NAV1: variants seen among roughly 807,000 people sequenced by gnomAD.
NAV1 encodes the protein pore membrane and/or filament interacting like protein 3.
Under a neutral mutation model 175.2 loss-of-function variants are expected in NAV1, and 18 were observed. The ratio of observed to expected loss-of-function variants is 0.10; its 90% CI spans 0.07 to 0.15. The LOEUF (loss-of-function observed/expected upper bound fraction) is 0.15. NAV1 is among the 10% of genes least tolerant of loss of function. The pLI is 1.00. For synonymous variants in NAV1, 897 were observed against 978.7 expected (o/e 0.92, Z 1.56); for missense variants, 1,731 against 2,436.6 (o/e 0.71, Z 6.10).
chr1:201,799,925 T>G (rs1421649732), intron 15 of NAV1, among the ~76,000 whole-genome samples: 1 of 152,114 alleles, frequency 6.6e-6, no homozygotes, highest in African/African-American at 2.4e-5. Flanking sequence ...CTCAACTAAT[T>G]GAAACCTTCA....
At chr1:201,777,564 C>A (rs1280245311) in intron 3 of NAV1, among the ~76,000 whole-genome samples, 1 of 147,794 alleles carries the variant, frequency 6.8e-6, no homozygotes, top group Non-Finnish European at 1.5e-5. Context: ...TTTTTTTTAA[C>A]AAAAGGTCTT....
intron 1 of NAV1, among the ~76,000 whole-genome samples, chr1:201,565,226 C>T (rs555175553): frequency 3.3e-5 from 5 of 152,208 alleles, no homozygotes; most frequent in African/African-American, 9.6e-5. Context: ...CTGGCACATA[C>T]TAAGTGCTCA....
chr1:201,808,155 T>G lies in NAV1; in HGVS notation c.3845+6T>G. On this transcript the variant is annotated splice_donor_region_variant and intron_variant, in intron 18 of 29. Coordinates refer to ENST00000367296, the Ensembl canonical transcript of NAV1. The surrounding 1 kb of genome is among the most constrained non-coding windows in gnomAD (Gnocchi z 5.5). ...GTGGGCACTGATGTCACCGAGTAAGTGCTCTTTGGCTCCCTGCCACCCAGC... is the reference window on the plus strand; with the variant it reads ...GTGGGCACTGATGTCACCGAGTAAGGGCTCTTTGGCTCCCTGCCACCCAGC... 1.2e-6 allele frequency: 2 copies of G among 1,613,956 alleles called. No homozygotes were observed. Among genetic ancestry groups the G allele is most frequent in the Non-Finnish European group, 1.7e-6 (2 of 1,179,870 alleles).
rs911513342 is a variant in NAV1, at chr1:201,678,191, G to A, written c.757+28766G>A. On this transcript the variant is annotated intron_variant, in intron 1 of 29. Coordinates refer to ENST00000367296, the Ensembl canonical transcript of NAV1. The stretch of plus-strand genomic sequence containing the variant: ...TTAATATCCCCAAAAGGTAAATGAG[G>A]GAGCTACGTTATGAACTGACTTGGC... Among the ~76,000 whole-genome samples the A allele has an allele frequency of 5.3e-5, 8 of 152,160 alleles. No individual in the cohort carries two copies. The East Asian group carries it at 5.8e-4, about 11-fold the overall frequency.
chr1:201,571,862 G>A (rs1438095026), intron 1 of NAV1, among the ~76,000 whole-genome samples: 1 of 152,212 alleles, frequency 6.6e-6, no homozygotes, highest in Non-Finnish European at 1.5e-5. Context: ...TATCACAGGG[G>A]AAGGGCACAA....
At position 201,718,782 on chromosome 1, in the gene NAV1, G is replaced by A. The variant is rs375805913; in HGVS notation, c.1226+27G>A. 123 of 1,573,868 alleles carry A rather than the reference G, an allele frequency of 7.8e-5. No individual in the cohort carries two copies. The highest frequency in any genetic ancestry group is 3.6e-4 in the Middle Eastern group (2 of 5,518). ...TAAGCGCAGGGGCTTCTTGGATGGCGGGGGAGGATGGTGGAAAGACCACTG... is the reference window on the plus strand; with the variant it reads ...TAAGCGCAGGGGCTTCTTGGATGGCAGGGGAGGATGGTGGAAAGACCACTG... On this transcript the variant is annotated intron_variant, in intron 3 of 29. Transcript: ENST00000367296. The surrounding 1 kb of genome is among the most constrained non-coding windows in gnomAD (Gnocchi z 4.8).
At chr1:201,581,632 C>T (rs963865147) in intron 1 of NAV1, among the ~76,000 whole-genome samples, 2 of 151,928 alleles carry the variant, frequency 1.3e-5, no homozygotes, top group Non-Finnish European at 2.9e-5. Flanking sequence ...AGTTCCAGAC[C>T]AGCCTGGTCA....
At chr1:201,716,834 C>T (rs560328534) in intron 2 of NAV1, among the ~76,000 whole-genome samples, 2 of 152,328 alleles carry the variant, frequency 1.3e-5, no homozygotes, top group East Asian at 1.9e-4. Flanking sequence ...GCCGTGTTTG[C>T]ACCACTACAC....
At chr1:201,549,077 CTCTTTCTT>C (rs200725995) in intron 1 of NAV1, among the ~76,000 whole-genome samples, 25,794 of 129,868 alleles carry the variant, frequency 0.2, 2,525 homozygotes, top group Admixed American at 0.24. Context: ...TTCTAGTTTT[CTCTTTCTT>C]TCTTTCTTTC....
chr1:201,547,204 G>T (rs1571813903), intron 1 of NAV1, among the ~76,000 whole-genome samples: 1 of 151,958 alleles, frequency 6.6e-6, no homozygotes, highest in African/African-American at 2.4e-5. Context: ...GGTCAGGCTG[G>T]TCTCAAACTC....
intron 3 of NAV1, among the ~76,000 whole-genome samples, chr1:201,754,106 C>T (rs939508674): frequency 7.9e-5 from 12 of 152,160 alleles, no homozygotes; most frequent in African/African-American, 2.4e-4. Context: ...ACCTCTGTTC[C>T]GGGGAAAATA....
intron 1 of NAV1, among the ~76,000 whole-genome samples, chr1:201,652,258 G>A (rs1669232512): frequency 6.6e-6 from 1 of 151,014 alleles, no homozygotes; most frequent in South Asian, 2.1e-4. Flanking sequence ...GGCGGAGGGA[G>A]GGGGTGGGAG....
At chr1:201,570,862 T>C (rs908415150) in intron 1 of NAV1, among the ~76,000 whole-genome samples, 8 of 152,334 alleles carry the variant, frequency 5.3e-5, no homozygotes, top group Admixed American at 4.6e-4. Flanking sequence ...CCTGACAACA[T>C]GGCCTATTTT....
chr1:201,594,551 G>A (rs1571837374), intron 2 of NAV1, among the ~76,000 whole-genome samples: 1 of 152,356 alleles, frequency 6.6e-6, no homozygotes, highest in Non-Finnish European at 1.5e-5. Context: ...CTCTCTATCA[G>A]CATAGTTGAG....
intron 11 of NAV1, among the ~76,000 whole-genome samples, 180 bp from the exon 16 acceptor site, chr1:201,790,374 A>T (rs541700189): frequency 1.3e-5 from 2 of 152,274 alleles, no homozygotes; most frequent in East Asian, 3.9e-4. Context: ...AAACCCTAGT[A>T]TAGATCTGAG....
intron 2 of NAV1, among the ~76,000 whole-genome samples, chr1:201,615,203 C>T (rs73084543): frequency 0.12 from 18,843 of 151,790 alleles, 1,319 homozygotes; most frequent in East Asian, 0.22. Context: ...TTTGGGAGGA[C>T]GGAGGAGGTA....
intron 15 of NAV1, chr1:201,798,516 T>G (rs1489025686): frequency 6.7e-6 from 1 of 150,014 alleles, no homozygotes; most frequent in Non-Finnish European, 1.5e-5. Flanking sequence ...AGAGGCTGAG[T>G]CTGGAGGACT....
At chr1:201,714,063 A>G (rs1672030510) in intron 2 of NAV1, among the ~76,000 whole-genome samples, 1 of 152,192 alleles carries the variant, frequency 6.6e-6, no homozygotes, top group Non-Finnish European at 1.5e-5. Context: ...GCTGTGTGCC[A>G]TCACGCCCAG....
exon 7 of NAV1, chr1:201,783,529 T>A (rs769205238): frequency 3.7e-6 from 6 of 1,614,094 alleles, no homozygotes; most frequent in African/African-American, 1.3e-5. Context: ...CAGATCTGCA[T>A]GCTACAAGCT....
Sources: gnomAD v4.1 joint callset for allele counts (sites outside exome capture counted in the v4.1 genomes callset) on GRCh38, gnomAD v4.1.1 for gene constraint, Gnocchi (gnomAD v3.1) non-coding constraint, MANE v1.5 for transcripts, NCBI Gene and HGNC (gene_info 2026-07-23, HGNC 2026-07-21) for gene names.